The following LEKR1 variants were observed in gnomAD, a reference collection of about 807,000 sequenced individuals.
LEKR1 encodes the protein protein LEKR1.
A neutral mutation model predicts 72.4 loss-of-function variants in LEKR1; 59 were observed. The ratio of observed to expected loss-of-function variants is 0.82; its 90% CI spans 0.66 to 1.01. The LOEUF (loss-of-function observed/expected upper bound fraction) is 1.01, where lower values mean the gene tolerates loss of function less well. Ranked by LOEUF, LEKR1 falls within the 50% of genes least tolerant of loss-of-function variation. The pLI, the probability that LEKR1 is intolerant of heterozygous loss-of-function variation, is 0.00. For synonymous variants in LEKR1, 257 were observed against 263.2 expected (o/e 0.98, Z 0.23); for missense variants, 728 against 759.2 (o/e 0.96, Z 0.48).
At chr3:157,029,608 T>C (rs1017557144) in intron 12 of LEKR1, among the ~76,000 whole-genome samples, 5 of 152,174 alleles carry the variant, frequency 3.3e-5, no homozygotes, top group African/African-American at 1.2e-4. Context: ...GACAAAAAGA[T>C]GATTAAGTTC....
rs1292027309 is a variant in LEKR1, at chr3:157,045,648, C to T, written c.1977C>T (p.Pro659=). The change falls in exon 13 of 13, where the codon CCC becomes CCT. Residue 659 remains proline (P), a synonymous_variant. Coordinates refer to ENST00000356539, the MANE Select transcript of LEKR1 (RefSeq NM_001004316.3). ...CGAAGAGGGTTAGATCAGGCGTGCC[C>T]ATTCTCCCCCAGCCACATCCTCCCA... ...DKPKRVRSGV[P]ILPQPHPPRG... The T allele has an allele frequency of 6.8e-6, 11 of 1,613,988 alleles. No homozygotes were observed. In the South Asian group the frequency reaches 1.1e-4, roughly 16 times the overall value.
intron 7 of LEKR1, among the ~76,000 whole-genome samples, chr3:156,981,406 T>G (rs1257956409): frequency 1.3e-5 from 2 of 152,204 alleles, no homozygotes; most frequent in Admixed American, 1.3e-4. Context: ...ATCAAACTAA[T>G]TATCTGTAGG....
chr3:156,862,585 C>T (rs1173937891), intron 3 of LEKR1, among the ~76,000 whole-genome samples: 1 of 152,072 alleles, frequency 6.6e-6, no homozygotes, highest in East Asian at 1.9e-4. Context: ...ACTTCCCTCA[C>T]CTTCCTTTTT....
chr3:156,925,301 ATT>A (rs1724607738), intron 4 of LEKR1: 2 of 101,324 alleles, frequency 2.0e-5, no homozygotes, highest in Admixed American at 2.1e-4. Context: ...TAATTCTAGT[ATT>A]TGTGTGTGTG....
At chr3:156,897,104 T>C (rs1338725687) in intron 3 of LEKR1, among the ~76,000 whole-genome samples, 1 of 152,156 alleles carries the variant, frequency 6.6e-6, no homozygotes, top group African/African-American at 2.4e-5. Flanking sequence ...GGTACTATGC[T>C]TATTACCTGG....
At chr3:156,971,676 C>G (rs11707052) in intron 6 of LEKR1, among the ~76,000 whole-genome samples, 2 of 151,506 alleles carry the variant, frequency 1.3e-5, no homozygotes, top group Non-Finnish European at 2.9e-5. Context: ...AAAAAGTGGG[C>G]GAAGGATATG....
chr3:157,022,164 G>C (rs977074509), intron 10 of LEKR1, among the ~76,000 whole-genome samples: 6 of 152,142 alleles, frequency 3.9e-5, no homozygotes, highest in Admixed American at 3.3e-4. Context: ...CCTATGACTG[G>C]CATGAGACTG....
chr3:156,904,733 A>G (rs751783591), intron 3 of LEKR1, among the ~76,000 whole-genome samples: 8 of 151,622 alleles, frequency 5.3e-5, no homozygotes, highest in Non-Finnish European at 8.8e-5. Context: ...TCCTGGCCTT[A>G]AGCACACCTC....
chr3:156,988,848 T>C (rs1468935625), intron 7 of LEKR1: 1 of 153,128 alleles, frequency 6.5e-6, no homozygotes, highest in Non-Finnish European at 1.5e-5. Context: ...TTTTGTTTTT[T>C]TGAGATGGAG....
intron 2 of LEKR1, among the ~76,000 whole-genome samples, chr3:156,847,973 A>G (rs1419198873): frequency 6.6e-6 from 1 of 152,194 alleles, no homozygotes; most frequent in Non-Finnish European, 1.5e-5. Context: ...TTTCTGTTTT[A>G]TTCATCAGGC....
At chr3:156,904,879 TAA>T (rs1722387881) in intron 3 of LEKR1, among the ~76,000 whole-genome samples, 1 of 151,984 alleles carries the variant, frequency 6.6e-6, no homozygotes, top group Non-Finnish European at 1.5e-5. Context: ...CAGGAAAACT[TAA>T]GAGTACCATA....
chr3:156,868,122 A>T (rs1279730430), intron 3 of LEKR1, among the ~76,000 whole-genome samples: 1 of 152,024 alleles, frequency 6.6e-6, no homozygotes. Context: ...CTGGCTTTTA[A>T]TATGCCTCCC....
chr3:157,031,387 G>A (rs976685831), intron 12 of LEKR1, among the ~76,000 whole-genome samples: 4 of 152,118 alleles, frequency 2.6e-5, no homozygotes, highest in East Asian at 3.9e-4. Context: ...GGTATACTTA[G>A]GGGGGCAATT....
intron 6 of LEKR1, among the ~76,000 whole-genome samples, chr3:156,963,697 C>T (rs1460471136): frequency 6.6e-6 from 1 of 152,112 alleles, no homozygotes; most frequent in Non-Finnish European, 1.5e-5. Context: ...ATAGGTACCC[C>T]CTTACTATCA....
chr3:156,947,069 T>C (rs1026027929), intron 6 of LEKR1, among the ~76,000 whole-genome samples: 4 of 151,154 alleles, frequency 2.6e-5, no homozygotes, highest in Non-Finnish European at 5.9e-5. Flanking sequence ...GGAGACCAAC[T>C]TTTCATTTTG....
intron 12 of LEKR1, among the ~76,000 whole-genome samples, chr3:157,034,551 G>C (rs187562258): frequency 6.6e-6 from 1 of 152,214 alleles, no homozygotes; most frequent in Non-Finnish European, 1.5e-5. Context: ...TCTTATAGAT[G>C]AGCAAAGAAA....
chr3:156,832,768 G>C (rs1712590324), intron 2 of LEKR1, among the ~76,000 whole-genome samples: 1 of 152,108 alleles, frequency 6.6e-6, no homozygotes, highest in African/African-American at 2.4e-5. Context: ...TAAAGGACAA[G>C]GTATGAGACC....
At chr3:156,870,687 C>T (rs968863238) in intron 3 of LEKR1, among the ~76,000 whole-genome samples, 2 of 152,034 alleles carry the variant, frequency 1.3e-5, no homozygotes, top group Non-Finnish European at 2.9e-5. Context: ...TTGCCTGATG[C>T]TCTGGCTAGG....
chr3:156,940,835 A>C (rs1416736442), intron 5 of LEKR1, among the ~76,000 whole-genome samples: 2 of 152,152 alleles, frequency 1.3e-5, no homozygotes, highest in African/African-American at 4.8e-5. Flanking sequence ...GAGCCTGCTA[A>C]CCTGAGCAGT....
Sources: gnomAD v4.1 joint callset for allele counts (sites outside exome capture counted in the v4.1 genomes callset) on GRCh38, gnomAD v4.1.1 for gene constraint, MANE v1.5 for transcripts, NCBI Gene and HGNC (gene_info 2026-07-23, HGNC 2026-07-21) for gene names.